The following ST8SIA4 variants were observed in gnomAD, a reference collection of about 807,000 sequenced individuals.
ST8SIA4 encodes CMP-N-acetylneuraminate-poly-alpha-2,8-sialyltransferase.
Under a neutral mutation model 33.9 loss-of-function variants are expected in ST8SIA4, and 15 were observed. That is an observed-to-expected ratio of 0.44 (90% confidence interval 0.30 to 0.68). The LOEUF is 0.68. ST8SIA4 is among the 30% of genes least tolerant of loss of function. ST8SIA4 has a pLI of 0.10. For synonymous variants in ST8SIA4, 171 were observed against 151.2 expected, an observed-to-expected ratio of 1.13 and a Z score of -0.96; for missense variants, 321 against 428.0, an observed-to-expected ratio of 0.75 and a Z score of 2.21.
chr5:100,893,046 A>AT (rs1173593363), intron 2 of ST8SIA4, among the ~76,000 whole-genome samples: 96 of 152,238 alleles, frequency 6.3e-4, no homozygotes, highest in African/African-American at 2.2e-3. Flanking sequence ...TAAAAGTAGA[A>AT]TTTTGAAAAC....
intron 4 of ST8SIA4, chr5:100,816,626 TAGA>T (rs1750925623): frequency 2.0e-6 from 1 of 504,530 alleles, no homozygotes; most frequent in Non-Finnish European, 4.0e-6. Flanking sequence ...TGACAATTTC[TAGA>T]AGAATTTGAA....
intron 4 of ST8SIA4, among the ~76,000 whole-genome samples, chr5:100,826,136 T>TA (rs1554057450): frequency 1.1e-4 from 16 of 151,558 alleles, no homozygotes; most frequent in East Asian, 7.7e-4. Context: ...TTAATTTTTT[T>TA]TTATTATTAT....
At chr5:100,849,291 G>A (rs1168716675) in intron 4 of ST8SIA4, 3 of 985,170 alleles carry the variant, frequency 3.0e-6, no homozygotes, top group African/African-American at 3.5e-5. Context: ...TTATAAATCT[G>A]ACACTCAAGG....
chr5:100,886,749 G>A (rs1752546116), intron 2 of ST8SIA4, 149 bp from the exon 3 acceptor site: 1 of 671,906 alleles, frequency 1.5e-6, no homozygotes, highest in Admixed American at 2.9e-5. Context: ...ATCTTAGGTG[G>A]TGATTAAACC....
At chr5:100,816,777 T>G (rs1037759649) in intron 4 of ST8SIA4, among the ~76,000 whole-genome samples, 4 of 152,168 alleles carry the variant, frequency 2.6e-5, no homozygotes, top group African/African-American at 7.2e-5. Context: ...CTTTGTATTC[T>G]TAATTAAGGA....
chr5:100,862,259 G>C (rs1455784902), intron 3 of ST8SIA4, among the ~76,000 whole-genome samples: 1 of 152,118 alleles, frequency 6.6e-6, no homozygotes, highest in Non-Finnish European at 1.5e-5. Flanking sequence ...TACTTAAAAA[G>C]AGGAATATGA....
At chr5:100,857,029 T>C (rs1751829098) in intron 3 of ST8SIA4, among the ~76,000 whole-genome samples, 1 of 152,126 alleles carries the variant, frequency 6.6e-6, no homozygotes, top group Non-Finnish European at 1.5e-5. Flanking sequence ...TTTTAAGTAA[T>C]ATAGAAAAGC....
chr5:100,832,798 T>C (rs902583266), intron 4 of ST8SIA4, among the ~76,000 whole-genome samples: 6 of 152,086 alleles, frequency 3.9e-5, no homozygotes, highest in African/African-American at 1.4e-4. Flanking sequence ...TCTTATTCAG[T>C]TCTAACTTTT....
intron 3 of ST8SIA4, among the ~76,000 whole-genome samples, chr5:100,880,274 CAATA>C (rs1047865593): frequency 1.3e-5 from 2 of 151,780 alleles, no homozygotes; most frequent in African/African-American, 2.4e-5. Flanking sequence ...TAAAGATAAA[CAATA>C]AATAAATAAA....
intron 4 of ST8SIA4, among the ~76,000 whole-genome samples, chr5:100,819,683 T>A (rs755038287): frequency 6.6e-6 from 1 of 152,106 alleles, no homozygotes; most frequent in Non-Finnish European, 1.5e-5. Context: ...ATTTAAAAAA[T>A]TACTTAGAAA....
chr5:100,898,279 C>G (rs1260214120), intron 1 of ST8SIA4, among the ~76,000 whole-genome samples: 2 of 152,096 alleles, frequency 1.3e-5, no homozygotes, highest in African/African-American at 2.4e-5. Context: ...GGTAACATCA[C>G]AAGTCCCTGT....
intron 3 of ST8SIA4, among the ~76,000 whole-genome samples, chr5:100,875,907 T>C (rs1173067171): frequency 1.3e-5 from 2 of 152,116 alleles, no homozygotes; most frequent in African/African-American, 2.4e-5. Context: ...TTTACTAATG[T>C]TAAAAGTAGT....
At position 100,850,990 on chromosome 5, in the gene ST8SIA4, C is replaced by A. The variant is rs143413821; in HGVS notation, c.797+5113G>T. Among the ~76,000 whole-genome samples, 1,053 of 111,486 alleles carry A rather than the reference C, an allele frequency of 9.4e-3. 8 individuals are homozygous for A. The highest frequency in any genetic ancestry group is 0.027 in the African/African-American group (786 of 29,262). 73.1% of individuals were successfully genotyped at this position (111,486 alleles called of 152,430 possible). The stretch of plus-strand genomic sequence containing the variant: ...TTTTTTTTTTTTTGAGATGGAATCT[C>A]ATGCTGTTGCCCAGGGTGGAGTGCA... On this transcript the variant is annotated intron_variant, in intron 4 of 4. Coordinates refer to ENST00000231461, the MANE Select transcript of ST8SIA4 (RefSeq NM_005668.6).
intron 2 of ST8SIA4, among the ~76,000 whole-genome samples, chr5:100,892,651 G>T (rs941057109): frequency 6.6e-6 from 1 of 151,944 alleles, no homozygotes; most frequent in Non-Finnish European, 1.5e-5. Context: ...CAATTATTAG[G>T]AATATAATAA....
intron 4 of ST8SIA4, among the ~76,000 whole-genome samples, chr5:100,846,383 T>C (rs558978297): frequency 6.4e-4 from 98 of 152,084 alleles, no homozygotes; most frequent in African/African-American, 2.0e-3. Flanking sequence ...CCGTAACATA[T>C]ACTGGGAATT....
At chr5:100,893,427 T>C (rs115772311) in intron 2 of ST8SIA4, among the ~76,000 whole-genome samples, 1 of 152,164 alleles carries the variant, frequency 6.6e-6, no homozygotes, top group Non-Finnish European at 1.5e-5. Flanking sequence ...TGTTTATTTC[T>C]TTAATCTGTT....
chr5:100,853,889 T>G (rs999796731), intron 4 of ST8SIA4, among the ~76,000 whole-genome samples: 1 of 152,126 alleles, frequency 6.6e-6, no homozygotes, highest in African/African-American at 2.4e-5. Flanking sequence ...AATCTTAAGT[T>G]TTCTCATTAG....
At chr5:100,876,289 T>A (rs1008476441) in intron 3 of ST8SIA4, among the ~76,000 whole-genome samples, 2 of 152,166 alleles carry the variant, frequency 1.3e-5, no homozygotes, top group East Asian at 3.9e-4. Flanking sequence ...CTATCAATCT[T>A]TGAAGAGATA....
intron 4 of ST8SIA4, among the ~76,000 whole-genome samples, chr5:100,853,760 G>T (rs982613307): frequency 1.3e-5 from 2 of 152,068 alleles, no homozygotes; most frequent in African/African-American, 4.8e-5. Context: ...ACACTATCTG[G>T]ATTCTAACTT....
Sources: gnomAD v4.1 joint callset for allele counts (sites outside exome capture counted in the v4.1 genomes callset) on GRCh38, gnomAD v4.1.1 for gene constraint, MANE v1.5 for transcripts, NCBI Gene and HGNC (gene_info 2026-07-23, HGNC 2026-07-21) for gene names.